PRELID2: variants seen among roughly 807,000 people sequenced by gnomAD.
PRELID2 encodes PRELI domain containing 2.
In PRELID2, 25 loss-of-function variants were observed where a neutral mutation model predicts 28.4. The observed-to-expected ratio is 0.88, with a 90% CI of 0.64 to 1.23. The LOEUF is 1.23. PRELID2 is among the 50% of genes most tolerant of loss of function. PRELID2 has a pLI of 0.00. For missense variants in PRELID2, 201 were observed against 214.4 expected (o/e 0.94, Z 0.39); for synonymous variants, 76 against 71.6 (o/e 1.06, Z -0.31).
chr5:145,279,688 A>G, the PRELID2 span, among the ~76,000 whole-genome samples: 251 of 152,306 alleles, frequency 1.6e-3, 2 homozygotes, highest in African/African-American at 4.2e-3. Flanking sequence ...TTAGTTTTTC[A>G]ATTAAATTCA....
chr5:145,447,720 T>C, the PRELID2 span, among the ~76,000 whole-genome samples: 1 of 111,710 alleles, frequency 9.0e-6, no homozygotes, highest in Admixed American at 9.7e-5. Context: ...GAATATGCGG[T>C]GTTTGGTTTT....
At chr5:145,519,071 C>T (rs1007123214) in intron 1 of PRELID2, among the ~76,000 whole-genome samples, 2 of 152,168 alleles carry the variant, frequency 1.3e-5, no homozygotes, top group African/African-American at 2.4e-5. Flanking sequence ...TCATAACCTG[C>T]CCTCAGCACC....
intron 1 of PRELID2, among the ~76,000 whole-genome samples, chr5:145,570,615 A>C (rs1753007638): frequency 6.6e-6 from 1 of 152,176 alleles, no homozygotes; most frequent in African/African-American, 2.4e-5. Flanking sequence ...TGCATTAATC[A>C]TATTAGCTCC....
At chr5:145,455,153 A>T in the PRELID2 span, among the ~76,000 whole-genome samples, 1 of 152,246 alleles carries the variant, frequency 6.6e-6, no homozygotes, top group African/African-American at 2.4e-5. Flanking sequence ...TAATTTTTGT[A>T]TAAGGTGTAA....
chr5:145,279,569 C>T, the PRELID2 span, among the ~76,000 whole-genome samples: 8 of 152,100 alleles, frequency 5.3e-5, no homozygotes, highest in South Asian at 1.7e-3. Context: ...TGCCAAATGG[C>T]TAGAATTTCA....
intron 1 of PRELID2, among the ~76,000 whole-genome samples, chr5:145,613,527 G>A (rs1250614694): frequency 2.1e-5 from 3 of 145,162 alleles, no homozygotes; most frequent in Non-Finnish European, 3.0e-5. Flanking sequence ...GATGAAGCTG[G>A]AAACCACCAT....
At chr5:145,532,010 A>T (rs923355534) in intron 1 of PRELID2, among the ~76,000 whole-genome samples, 1 of 152,200 alleles carries the variant, frequency 6.6e-6, no homozygotes, top group Non-Finnish European at 1.5e-5. Context: ...TAGAAATTAG[A>T]TGACAAAATA....
chr5:145,300,212 T>C, the PRELID2 span, among the ~76,000 whole-genome samples: 1 of 152,300 alleles, frequency 6.6e-6, no homozygotes, highest in Middle Eastern at 3.4e-3. Flanking sequence ...ATGCTTGATA[T>C]CTGATAATAC....
At chr5:145,480,862 T>C (rs1226744069) in intron 1 of PRELID2, among the ~76,000 whole-genome samples, 1 of 152,226 alleles carries the variant, frequency 6.6e-6, no homozygotes, top group African/African-American at 2.4e-5. Context: ...TAAGTATTCA[T>C]TAAATGTCAA....
the PRELID2 span, among the ~76,000 whole-genome samples, chr5:145,375,419 T>C: frequency 1.3e-5 from 2 of 152,152 alleles, no homozygotes; most frequent in Non-Finnish European, 2.9e-5. Flanking sequence ...GTATAGGGTG[T>C]CTGACAATCC....
chr5:145,692,509 T>C (rs1432643067), intron 1 of PRELID2, among the ~76,000 whole-genome samples: 2 of 152,106 alleles, frequency 1.3e-5, no homozygotes, highest in African/African-American at 4.8e-5. Context: ...AGAGTCTGAG[T>C]TGACACCAAG....
chr5:145,685,513 T>C (rs1048929328), intron 1 of PRELID2, among the ~76,000 whole-genome samples: 2 of 152,162 alleles, frequency 1.3e-5, no homozygotes, highest in Admixed American at 6.5e-5. Context: ...CTAAACCTCA[T>C]CACATTGAAG....
chr5:145,656,259 C>T (rs970316795), intron 1 of PRELID2, among the ~76,000 whole-genome samples: 1 of 152,122 alleles, frequency 6.6e-6, no homozygotes, highest in African/African-American at 2.4e-5. Context: ...ACAACAGGTG[C>T]TGGAGAGGAT....
At chr5:145,251,344 T>C in the PRELID2 span, among the ~76,000 whole-genome samples, 5 of 152,232 alleles carry the variant, frequency 3.3e-5, no homozygotes, top group East Asian at 9.7e-4. Flanking sequence ...ATACTGACCC[T>C]GCTGCCCAAG....
chr5:145,413,728 AC>A, the PRELID2 span, among the ~76,000 whole-genome samples: 1 of 151,448 alleles, frequency 6.6e-6, no homozygotes, highest in African/African-American at 2.4e-5. Context: ...CCTGGTAATC[AC>A]TATTCTACTC....
At chr5:145,286,168 G>T in the PRELID2 span, among the ~76,000 whole-genome samples, 1 of 152,120 alleles carries the variant, frequency 6.6e-6, no homozygotes, top group African/African-American at 2.4e-5. Flanking sequence ...AGTGAGGAAG[G>T]TACTATTATT....
the PRELID2 span, among the ~76,000 whole-genome samples, chr5:145,354,511 A>G: frequency 2.6e-5 from 4 of 152,160 alleles, no homozygotes; most frequent in Non-Finnish European, 4.4e-5. Flanking sequence ...TCCTCTCATT[A>G]ACAAATATTT....
At chr5:145,711,810 C>T (rs1755703594) in intron 1 of PRELID2, among the ~76,000 whole-genome samples, 1 of 146,528 alleles carries the variant, frequency 6.8e-6, no homozygotes, top group South Asian at 2.2e-4. Flanking sequence ...TGCACTACCA[C>T]AGGCAGAGGC....
At chr5:145,810,317 C>T (rs141239782) in intron 4 of PRELID2, among the ~76,000 whole-genome samples, 1 of 152,186 alleles carries the variant, frequency 6.6e-6, no homozygotes, top group Non-Finnish European at 1.5e-5. Context: ...CACATTCAAG[C>T]AGTGCATCAG....
Sources: gnomAD v4.1 joint callset for allele counts (sites outside exome capture counted in the v4.1 genomes callset) on GRCh38, gnomAD v4.1.1 for gene constraint, MANE v1.5 for transcripts, NCBI Gene and HGNC (gene_info 2026-07-23, HGNC 2026-07-21) for gene names.